COG5: variants seen among roughly 807,000 people sequenced by gnomAD.
COG5 encodes the protein component of oligomeric golgi complex 5, also known as conserved oligomeric Golgi complex subunit 5.
In COG5, 86 loss-of-function variants were observed where a neutral mutation model predicts 110.4. The ratio of observed to expected loss-of-function variants is 0.78; its 90% CI spans 0.65 to 0.93. COG5 has a LOEUF of 0.93. Ranked by LOEUF, COG5 falls within the 40% of genes least tolerant of loss-of-function variation. The pLI is 0.00. For missense variants in COG5, 1,077 were observed against 987.0 expected, an observed-to-expected ratio of 1.09 and a Z score of -1.22; for synonymous variants, 360 against 334.6, an observed-to-expected ratio of 1.08 and a Z score of -0.83.
At chr7:107,328,865 G>A (rs1810000981) in intron 10 of COG5, among the ~76,000 whole-genome samples, 1 of 151,942 alleles carries the variant, frequency 6.6e-6, no homozygotes, top group African/African-American at 2.4e-5. Context: ...CTGTCGCCCA[G>A]GCTGGAGTGC....
intron 13 of COG5, 98 bp from the exon 14 acceptor site, chr7:107,281,497 A>T: frequency 2.3e-6 from 2 of 866,372 alleles, no homozygotes; most frequent in Non-Finnish European, 3.8e-6. Flanking sequence ...CAATGTGGTT[A>T]TTCTTTTTAT....
chr7:107,421,669 G>A (rs1793301553), intron 6 of COG5, among the ~76,000 whole-genome samples: 1 of 151,274 alleles, frequency 6.6e-6, no homozygotes, highest in South Asian at 2.1e-4. Context: ...AGGTGAAGCA[G>A]GAAGCTTGAA....
At chr7:107,471,745 G>A (rs1796646061) in intron 6 of COG5, 1 of 151,916 alleles carries the variant, frequency 6.6e-6, no homozygotes, top group African/African-American at 2.4e-5. Context: ...CACACAAAAG[G>A]AAGATTTAGG....
At chr7:107,462,904 C>T (rs1008183131) in intron 6 of COG5, among the ~76,000 whole-genome samples, 3 of 152,170 alleles carry the variant, frequency 2.0e-5, no homozygotes, top group Admixed American at 1.3e-4. Context: ...ATCTGTTAGT[C>T]TTCTAACAGC....
intron 6 of COG5, among the ~76,000 whole-genome samples, chr7:107,459,578 T>C (rs932692949): frequency 6.6e-6 from 1 of 152,044 alleles, no homozygotes; most frequent in Non-Finnish European, 1.5e-5. Flanking sequence ...AGGAGGATCC[T>C]TGAGACCAGC....
At chr7:107,438,886 G>A (rs1794533237) in intron 6 of COG5, among the ~76,000 whole-genome samples, 1 of 152,156 alleles carries the variant, frequency 6.6e-6, no homozygotes, top group South Asian at 2.1e-4. Flanking sequence ...AGTAGGCATT[G>A]TTTTCTCCTT....
At chr7:107,562,459 C>T (rs1803911725) in intron 1 of COG5, among the ~76,000 whole-genome samples, 1 of 152,162 alleles carries the variant, frequency 6.6e-6, no homozygotes, top group South Asian at 2.1e-4. Context: ...TGTATTAATG[C>T]TCTACTTTAT....
At chr7:107,397,855 A>G (rs1791126603) in intron 7 of COG5, among the ~76,000 whole-genome samples, 1 of 152,154 alleles carries the variant, frequency 6.6e-6, no homozygotes, top group African/African-American at 2.4e-5. Flanking sequence ...TATGGGAAAG[A>G]CTGACAGGAA....
intron 6 of COG5, among the ~76,000 whole-genome samples, chr7:107,439,380 T>C (rs1794571085): frequency 6.6e-6 from 1 of 152,208 alleles, no homozygotes; most frequent in Admixed American, 6.5e-5. Flanking sequence ...CAGTATTCTA[T>C]TTGGATTTGC....
chr7:107,411,437 C>A (rs6970022), intron 7 of COG5, among the ~76,000 whole-genome samples: 2,836 of 151,906 alleles, frequency 0.019, 85 homozygotes, highest in African/African-American at 0.063. Context: ...AAAGTAATCT[C>A]TAATGTTAGA....
Position 107,262,896 on chromosome 7 carries a change from T to C in COG5, c.1576-4513A>G, listed in dbSNP as rs147652673. ...ACTAATAATACAGTTTATACCAAAGTATGCTATGTAAACTGTAAAATGCCT... is the reference window on the plus strand; with the variant it reads ...ACTAATAATACAGTTTATACCAAAGCATGCTATGTAAACTGTAAAATGCCT... On this transcript the variant is annotated intron_variant, in intron 14 of 21. Coordinates refer to ENST00000297135, the MANE Select transcript of COG5 (RefSeq NM_006348.5). Among the ~76,000 whole-genome samples, 406 of 152,306 alleles carry C rather than the reference T, an allele frequency of 2.7e-3. 3 individuals carry two copies. Among genetic ancestry groups the C allele is most frequent in the African/African-American group, 9.1e-3 (379 of 41,568 alleles).
intron 10 of COG5, among the ~76,000 whole-genome samples, chr7:107,349,207 T>C (rs549171242): frequency 1.3e-5 from 2 of 152,360 alleles, no homozygotes; most frequent in African/African-American, 4.8e-5. Context: ...CTAATAGCTT[T>C]TGTAGGTTCC....
intron 5 of COG5, among the ~76,000 whole-genome samples, chr7:107,531,088 G>C (rs1584938118): frequency 6.6e-6 from 1 of 151,656 alleles, no homozygotes; most frequent in East Asian, 1.9e-4. Flanking sequence ...AAGTGCTATG[G>C]TTTAATTTTT....
chr7:107,224,531 A>G (rs1414416974), intron 19 of COG5, among the ~76,000 whole-genome samples: 1 of 152,214 alleles, frequency 6.6e-6, no homozygotes, highest in African/African-American at 2.4e-5. Flanking sequence ...CATCAGGGAC[A>G]AGCTGTCCCT....
At chr7:107,561,411 G>GT (rs1803765089) in intron 1 of COG5, among the ~76,000 whole-genome samples, 1 of 152,178 alleles carries the variant, frequency 6.6e-6, no homozygotes, top group African/African-American at 2.4e-5. Context: ...GAACTGACAA[G>GT]TATCTACAGG....
intron 7 of COG5, among the ~76,000 whole-genome samples, chr7:107,401,173 C>T (rs1000310490): frequency 3.3e-5 from 5 of 152,028 alleles, no homozygotes; most frequent in African/African-American, 4.8e-5. Context: ...AGTTTACCAA[C>T]CCATGATTTT....
chr7:107,336,967 C>T (rs573995060), intron 10 of COG5, among the ~76,000 whole-genome samples: 1 of 152,024 alleles, frequency 6.6e-6, no homozygotes, highest in East Asian at 1.9e-4. Context: ...AACAAATAAT[C>T]CCATTAAAAA....
intron 10 of COG5, among the ~76,000 whole-genome samples, chr7:107,329,680 C>T (rs970349762): frequency 6.6e-6 from 1 of 152,042 alleles, no homozygotes; most frequent in African/African-American, 2.4e-5. Context: ...TCGCTTGAGG[C>T]CAGGAGTTCA....
chr7:107,218,319 A>G (rs1799668134), intron 19 of COG5, among the ~76,000 whole-genome samples: 1 of 152,138 alleles, frequency 6.6e-6, no homozygotes, highest in Non-Finnish European at 1.5e-5. Context: ...TGAAAATTCC[A>G]ATGTCTTTTT....
Sources: allele counts gnomAD v4.1 joint callset (sites outside exome capture counted in the v4.1 genomes callset), GRCh38; gene constraint gnomAD v4.1.1; transcripts MANE v1.5; gene names NCBI Gene and HGNC (gene_info 2026-07-23, HGNC 2026-07-21).